LRRC63: variants seen among roughly 807,000 people sequenced by gnomAD.
LRRC63 encodes the protein leucine rich repeat containing 63, also known as leucine-rich repeat-containing protein 63.
In LRRC63, 40 loss-of-function variants were observed where a neutral mutation model predicts 49.5. The ratio of observed to expected loss-of-function variants is 0.81; its 90% CI spans 0.63 to 1.05. The LOEUF is 1.05. Among genes scored for constraint, LRRC63 ranks in the 50% least tolerant of loss-of-function variants. The probability of loss-of-function intolerance (pLI) is 0.00; values close to 1 mark genes in which losing one functional copy is unlikely to be tolerated. For synonymous variants in LRRC63, 191 were observed against 221.1 expected, an observed-to-expected ratio of 0.86 and a Z score of 1.21; for missense variants, 636 against 663.1, an observed-to-expected ratio of 0.96 and a Z score of 0.45.
rs540059513 is a variant in LRRC63 at position 46,213,379 on chromosome 13, G to A, written c.85+260G>A. ...ACTCAAAGGGCTTTCTCAGTCATGC[G>A]TGGATATGTGCAGAGCACTGAAAAT... is the stretch of plus-strand genomic sequence containing the variant. On this transcript the variant is annotated intron_variant, in intron 2 of 9. Coordinates refer to ENST00000595396, the Ensembl canonical transcript of LRRC63. Among the ~76,000 whole-genome samples the A allele has an allele frequency of 8.5e-5, 13 of 152,336 alleles. No individual in the cohort carries two copies. The East Asian group carries it at 1.7e-3, about 20-fold the overall frequency.
At chr13:46,241,046 A>G (rs1313962326) in intron 5 of LRRC63, among the ~76,000 whole-genome samples, 1 of 152,246 alleles carries the variant, frequency 6.6e-6, no homozygotes, top group Non-Finnish European at 1.5e-5. Flanking sequence ...AAGCAAAAAG[A>G]GAAAAGCTAG....
chr13:46,230,557 G>T (rs1355394384), intron 4 of LRRC63, among the ~76,000 whole-genome samples: 1 of 152,172 alleles, frequency 6.6e-6, no homozygotes, highest in Non-Finnish European at 1.5e-5. Flanking sequence ...AGGTCCAAGA[G>T]CCCAAAAGCC....
chr13:46,230,290 A>G (rs74625558), intron 4 of LRRC63, among the ~76,000 whole-genome samples: 7,674 of 152,280 alleles, frequency 0.05, 398 homozygotes, highest in African/African-American at 0.14. Context: ...GAGACAAGGC[A>G]TGTCCCTTTG....
At chr13:46,240,962 T>C (rs1410648863) in intron 5 of LRRC63, among the ~76,000 whole-genome samples, 1 of 152,218 alleles carries the variant, frequency 6.6e-6, no homozygotes, top group Non-Finnish European at 1.5e-5. Context: ...AGTGACATTC[T>C]TCACAGAACT....
At chr13:46,276,432 T>C (rs74069661) in intron 9 of LRRC63, among the ~76,000 whole-genome samples, 158 bp from the exon 10 acceptor site, 6,149 of 152,216 alleles carry the variant, frequency 0.04, 410 homozygotes, top group African/African-American at 0.14. Flanking sequence ...TTGTTCAGCT[T>C]TTTTAGCGTT....
chr13:46,268,369 G>A (rs1421916500), intron 9 of LRRC63, among the ~76,000 whole-genome samples: 1 of 152,184 alleles, frequency 6.6e-6, no homozygotes, highest in Non-Finnish European at 1.5e-5. Context: ...TGAGAACAGA[G>A]AGAATGGTGG....
intron 9 of LRRC63, among the ~76,000 whole-genome samples, chr13:46,274,439 A>G (rs1451160887): frequency 6.6e-6 from 1 of 152,212 alleles, no homozygotes; most frequent in Non-Finnish European, 1.5e-5. Flanking sequence ...TTTGGATTGC[A>G]GCTCAGCTGT....
intron 9 of LRRC63, among the ~76,000 whole-genome samples, chr13:46,275,069 CAT>C (rs1378615639): frequency 6.6e-6 from 1 of 152,126 alleles, no homozygotes; most frequent in Non-Finnish European, 1.5e-5. Context: ...TTAGTTTCCA[CAT>C]GAGTGCCGTT....
intron 2 of LRRC63, among the ~76,000 whole-genome samples, chr13:46,216,206 G>A (rs1271965899): frequency 1.3e-5 from 2 of 152,168 alleles, no homozygotes; most frequent in East Asian, 3.8e-4. Flanking sequence ...ATTACTTTGG[G>A]CAGTATGGCC....
rs1387962531 is a variant in LRRC63, at chr13:46,266,805, G to C, written c.1383G>C (p.Leu461=). ...CCCATGGAATTTTGAAGCTTAACCT[G>C]ACAAAAATTCAGTTTGAGAATAATT... Residue 461 remains leucine (L), a synonymous_variant, in exon 9 of 10, where the codon CTG becomes CTC. Transcript: ENST00000595396. The C allele has an allele frequency of 1.9e-6, 3 of 1,549,962 alleles. No individual in the cohort carries two copies. The African/African-American group carries it at 4.1e-5, about 21-fold the overall frequency.
At chr13:46,255,832 G>A (rs1673098258) in intron 7 of LRRC63, among the ~76,000 whole-genome samples, 1 of 151,722 alleles carries the variant, frequency 6.6e-6, no homozygotes, top group African/African-American at 2.4e-5. Context: ...CAAGATATGG[G>A]GTATTCCCAT....
chr13:46,228,672 T>C, exon 4 of LRRC63: 1 of 1,542,096 alleles, frequency 6.5e-7, no homozygotes. Context: ...TAGAAACTCT[T>C]GTAACAGAAA....
In LRRC63 at chr13:46,221,936, G is replaced by A. The variant is rs374947864; in HGVS notation, c.86-5576G>A. Among the ~76,000 whole-genome samples, 21 of 152,304 alleles carry A rather than the reference G, an allele frequency of 1.4e-4. No homozygotes were observed. In the East Asian group the frequency reaches 2.9e-3, roughly 21 times the overall value. The stretch of plus-strand genomic sequence containing the variant: ...CTAGGCTGAGATTGTACTGGGAGTG[G>A]AAGGTTGTCAGGCGTACAGTGAACA... On this transcript the variant is annotated intron_variant, in intron 2 of 9. Coordinates refer to ENST00000595396, the Ensembl canonical transcript of LRRC63.
intron 9 of LRRC63, among the ~76,000 whole-genome samples, chr13:46,275,931 T>C (rs925355558): frequency 2.0e-5 from 3 of 152,196 alleles, no homozygotes; most frequent in African/African-American, 7.2e-5. Context: ...ATAGTTTGTT[T>C]AAATACTTAA....
At chr13:46,265,087 G>C (rs965246600) in intron 8 of LRRC63, among the ~76,000 whole-genome samples, 6 of 152,060 alleles carry the variant, frequency 3.9e-5, no homozygotes, top group African/African-American at 4.8e-5. Context: ...TTGAACCCAG[G>C]GGGCAGAGCT....
At chr13:46,216,443 C>G (rs1433561674) in intron 2 of LRRC63, among the ~76,000 whole-genome samples, 6 of 152,134 alleles carry the variant, frequency 3.9e-5, no homozygotes, top group Admixed American at 3.9e-4. Context: ...TATACGAATG[C>G]CTGTGATTTT....
chr13:46,257,145 G>A (rs138763257), intron 7 of LRRC63, among the ~76,000 whole-genome samples: 1 of 152,258 alleles, frequency 6.6e-6, no homozygotes, highest in Non-Finnish European at 1.5e-5. Flanking sequence ...GATGGAGGAA[G>A]GGAGCCATGA....
chr13:46,229,021 C>A (rs2046664548), intron 4 of LRRC63, among the ~76,000 whole-genome samples: 1 of 151,818 alleles, frequency 6.6e-6, no homozygotes, highest in East Asian at 1.9e-4. Flanking sequence ...ATGTGCCAGG[C>A]AAATCAAACA....
chr13:46,223,117 C>T lies in LRRC63; in HGVS notation c.86-4395C>T, dbSNP rs767182116. On this transcript the variant is annotated intron_variant, in intron 2 of 9. Transcript: ENST00000595396. ...AGGAGATATACCTAATGCTAAATGACGAGTTAATGGGTGCAGCACACCAGC... is the reference window on the plus strand; with the variant it reads ...AGGAGATATACCTAATGCTAAATGATGAGTTAATGGGTGCAGCACACCAGC... Among the ~76,000 whole-genome samples, 94 of 150,180 alleles carry T rather than the reference C, an allele frequency of 6.3e-4. No individual in the cohort carries two copies. In the Middle Eastern group the frequency reaches 0.01, roughly 16 times the overall value.
Sources: allele counts gnomAD v4.1 joint callset (sites outside exome capture counted in the v4.1 genomes callset), GRCh38; gene constraint gnomAD v4.1.1; transcripts MANE v1.5; gene names NCBI Gene and HGNC (gene_info 2026-07-23, HGNC 2026-07-21).